The following CRB1 variants were observed in gnomAD, a reference collection of about 807,000 sequenced individuals.
CRB1 encodes the protein protein crumbs homolog 1.
In CRB1, 83 loss-of-function variants were observed where a neutral mutation model predicts 120.0. The observed-to-expected ratio is 0.69, with a 90% CI of 0.58 to 0.83. The LOEUF is 0.83. Ranked by LOEUF, CRB1 falls within the 40% of genes least tolerant of loss-of-function variation. The probability of loss-of-function intolerance (pLI) is 0.00; values close to 1 mark genes in which losing one functional copy is unlikely to be tolerated. For synonymous variants in CRB1, 625 were observed against 612.5 expected, an observed-to-expected ratio of 1.02 and a Z score of -0.30; for missense variants, 1,699 against 1,687.6, an observed-to-expected ratio of 1.01 and a Z score of -0.12.
chr1:197,306,962 C>G (rs576079952), intron 1 of CRB1, among the ~76,000 whole-genome samples: 1 of 152,072 alleles, frequency 6.6e-6, no homozygotes, highest in Non-Finnish European at 1.5e-5. Flanking sequence ...ATTTGTGTGG[C>G]CTGACCATTT....
chr1:197,438,410 A>C (rs965255137), intron 9 of CRB1, 137 bp from the exon 10 acceptor site: 3 of 1,034,748 alleles, frequency 2.9e-6, no homozygotes, highest in Non-Finnish European at 4.4e-6. Context: ...AATGCAGCAC[A>C]ATTAAGCATT....
intron 1 of CRB1, among the ~76,000 whole-genome samples, chr1:197,277,347 C>G (rs1655266652): frequency 6.6e-6 from 1 of 151,890 alleles, no homozygotes; most frequent in Admixed American, 6.6e-5. Flanking sequence ...TTCTTGGAAC[C>G]TTTAAATACT....
chr1:197,305,020 T>C (rs1177021689), intron 1 of CRB1, among the ~76,000 whole-genome samples: 4 of 152,190 alleles, frequency 2.6e-5, no homozygotes, highest in Admixed American at 2.6e-4. Context: ...CAGAGCCTAT[T>C]CTTTCAGCCA....
intron 5 of CRB1, among the ~76,000 whole-genome samples, chr1:197,417,354 C>T (rs1664058666): frequency 6.6e-6 from 1 of 152,208 alleles, no homozygotes; most frequent in African/African-American, 2.4e-5. Context: ...AGTAAATGTG[C>T]TCCCCTCCTA....
intron 1 of CRB1, among the ~76,000 whole-genome samples, chr1:197,275,041 TG>T (rs1655124586): frequency 6.6e-6 from 1 of 152,040 alleles, no homozygotes; most frequent in Non-Finnish European, 1.5e-5. Flanking sequence ...TGGCTTCTAG[TG>T]GTGTCATTCA....
the CRB1 span, chr1:197,222,957 A>G: frequency 2.3e-6 from 2 of 867,098 alleles, no homozygotes; most frequent in East Asian, 2.4e-5. Flanking sequence ...TTTGCAGATA[A>G]CATGTACAAT....
chr1:197,367,770 C>G (rs1411495723), intron 5 of CRB1, among the ~76,000 whole-genome samples: 1 of 152,152 alleles, frequency 6.6e-6, no homozygotes, highest in Non-Finnish European at 1.5e-5. Flanking sequence ...TACATTGTTG[C>G]CTCTGAGGCT....
intron 11 of CRB1, among the ~76,000 whole-genome samples, chr1:197,448,073 G>GTTT (rs577632258): frequency 6.7e-6 from 1 of 150,158 alleles, no homozygotes; most frequent in African/African-American, 2.4e-5. Context: ...TTTGTGTCCT[G>GTTT]TTTTTTTTTC....
chr1:197,371,062 C>A (rs1661344396), intron 5 of CRB1, among the ~76,000 whole-genome samples: 1 of 152,158 alleles, frequency 6.6e-6, no homozygotes, highest in Non-Finnish European at 1.5e-5. Flanking sequence ...AGTTCATATA[C>A]TTTAGAACTT....
chr1:197,392,070 G>A (rs1662535003), intron 5 of CRB1, among the ~76,000 whole-genome samples: 1 of 151,972 alleles, frequency 6.6e-6, no homozygotes, highest in Non-Finnish European at 1.5e-5. Flanking sequence ...ATCTCGTGGT[G>A]TCTAAATCCT....
At chr1:197,463,671 T>C (rs979327836) in intron 11 of CRB1, among the ~76,000 whole-genome samples, 28 of 152,206 alleles carry the variant, frequency 1.8e-4, no homozygotes, top group African/African-American at 6.3e-4. Flanking sequence ...TTTAAATACA[T>C]GCAATAATCT....
intron 1 of CRB1, among the ~76,000 whole-genome samples, chr1:197,324,060 T>A (rs375842486): frequency 4.6e-5 from 7 of 152,256 alleles, no homozygotes; most frequent in African/African-American, 1.7e-4. Context: ...GAGCTAATAG[T>A]AGAATAGGGA....
At chr1:197,252,216 G>A in the CRB1 span, among the ~76,000 whole-genome samples, 508 of 151,580 alleles carry the variant, frequency 3.4e-3, 2 homozygotes, top group African/African-American at 0.012. Flanking sequence ...AAAACTTTAT[G>A]GACACAGAAA....
At chr1:197,371,533 C>T (rs1232151537) in intron 5 of CRB1, among the ~76,000 whole-genome samples, 3 of 152,180 alleles carry the variant, frequency 2.0e-5, no homozygotes, top group East Asian at 3.8e-4. Flanking sequence ...CTTCCTGCCA[C>T]CAAAAGTGTT....
At chr1:197,467,619 C>G (rs188344923) in intron 11 of CRB1, among the ~76,000 whole-genome samples, 18 of 152,192 alleles carry the variant, frequency 1.2e-4, no homozygotes, top group Admixed American at 1.2e-3. Context: ...CCTTTTAATT[C>G]TTTTGCCACT....
upstream of CRB1, among the ~76,000 whole-genome samples, chr1:197,263,724 C>T (rs143404867): frequency 5.7e-4 from 86 of 151,714 alleles, no homozygotes; most frequent in African/African-American, 2.0e-3. Flanking sequence ...TTCTATTTTC[C>T]GTGTCTCTTT....
the CRB1 span, among the ~76,000 whole-genome samples, chr1:197,238,235 T>C: frequency 6.6e-6 from 1 of 152,144 alleles, no homozygotes; most frequent in African/African-American, 2.4e-5. Flanking sequence ...TTTTAATAAG[T>C]TTACATTCCA....
chr1:197,398,925 T>TGC (rs1662917484), intron 5 of CRB1, among the ~76,000 whole-genome samples: 1 of 151,454 alleles, frequency 6.6e-6, no homozygotes, highest in African/African-American at 2.4e-5. Flanking sequence ...TGTGTGTGTG[T>TGC]GTGTGTGTGT....
chr1:197,376,134 T>C (rs1661634408), intron 5 of CRB1, among the ~76,000 whole-genome samples: 1 of 152,190 alleles, frequency 6.6e-6, no homozygotes, highest in Non-Finnish European at 1.5e-5. Context: ...CTCTATTTTC[T>C]AGACTCTAAA....
Sources: allele counts gnomAD v4.1 joint callset (sites outside exome capture counted in the v4.1 genomes callset), GRCh38; gene constraint gnomAD v4.1.1; transcripts MANE v1.5; gene names NCBI Gene and HGNC (gene_info 2026-07-23, HGNC 2026-07-21).